RBFOX1: variants seen among roughly 807,000 people sequenced by gnomAD.
RBFOX1 encodes RNA binding fox-1 homolog 1.
In RBFOX1, 8 loss-of-function variants were observed where a neutral mutation model predicts 57.7. That is an observed-to-expected ratio of 0.14 (90% CI 0.08 to 0.25). The LOEUF (loss-of-function observed/expected upper bound fraction) is 0.25, where lower values mean the gene tolerates loss of function less well. RBFOX1 is among the 10% of genes least tolerant of loss of function. The pLI is 1.00. For missense variants in RBFOX1, 611 were observed against 548.5 expected (o/e 1.11, Z -1.14); for synonymous variants, 326 against 222.4 (o/e 1.47, Z -4.15).
At chr16:7,152,785 C>G (rs1023739920) in intron 4 of RBFOX1, among the ~76,000 whole-genome samples, 4 of 152,226 alleles carry the variant, frequency 2.6e-5, no homozygotes, top group African/African-American at 9.6e-5. Context: ...TATTTTATGT[C>G]TAAGCATGGT....
At chr16:7,705,048 G>GAA (rs36086189) in intron 14 of RBFOX1, among the ~76,000 whole-genome samples, 1 of 129,836 alleles carries the variant, frequency 7.7e-6, no homozygotes, top group Admixed American at 7.9e-5. Context: ...TGTCTCAAAA[G>GAA]AAAAAAAAAA....
intron 1 of RBFOX1, among the ~76,000 whole-genome samples, chr16:5,371,096 C>T (rs190496702): frequency 1.6e-4 from 24 of 152,234 alleles, no homozygotes; most frequent in African/African-American, 5.1e-4. Context: ...TACAGGTGTG[C>T]GCCATCACGC....
At chr16:7,567,816 T>C (rs995217128) in intron 5 of RBFOX1, among the ~76,000 whole-genome samples, 2 of 148,388 alleles carry the variant, frequency 1.3e-5, no homozygotes, top group Non-Finnish European at 3.0e-5. Context: ...TCCCCATATA[T>C]ATACCTATAT....
Position 6,315,036 on chromosome 16 carries a change from C to T in RBFOX1, c.-126-1959C>T, listed in dbSNP as rs565507465. On this transcript the variant is annotated intron_variant, in intron 1 of 15. Coordinates refer to ENST00000550418, the MANE Select transcript of RBFOX1 (RefSeq NM_018723.4). ...TAGGCACCAAGGGGACAGTTCCTGA[C>T]ATTTAGAAGGCTTAATAAACAATAA... 5.4e-4 allele frequency among the ~76,000 whole-genome samples: 82 copies of T among 152,340 alleles called. 1 individual carries two copies. The highest frequency in any genetic ancestry group is 1.8e-3 in the African/African-American group (74 of 41,574).
chr16:5,818,494 G>C (rs543019946), intron 3 of RBFOX1, among the ~76,000 whole-genome samples: 3 of 152,290 alleles, frequency 2.0e-5, no homozygotes, highest in South Asian at 4.1e-4. Flanking sequence ...CCATGTGCCA[G>C]ATACTGTGCT....
At chr16:7,427,073 T>A (rs2098626152) in intron 4 of RBFOX1, among the ~76,000 whole-genome samples, 1 of 152,092 alleles carries the variant, frequency 6.6e-6, no homozygotes, top group African/African-American at 2.4e-5. Context: ...ATGAGAACAC[T>A]TGGACACAAG....
At chr16:6,856,916 A>C (rs1266753698) in intron 3 of RBFOX1, among the ~76,000 whole-genome samples, 1 of 152,152 alleles carries the variant, frequency 6.6e-6, no homozygotes, top group Non-Finnish European at 1.5e-5. Context: ...AAAGAAAGAA[A>C]GAGAAAGAGA....
At chr16:6,817,620 C>A (rs926244845) in intron 3 of RBFOX1, among the ~76,000 whole-genome samples, 11 of 150,904 alleles carry the variant, frequency 7.3e-5, no homozygotes, top group African/African-American at 2.4e-5. Context: ...GCAAGAGAAT[C>A]ACTTGAACCC....
At chr16:6,000,442 C>A (rs567846866) in intron 4 of RBFOX1, among the ~76,000 whole-genome samples, 1 of 152,156 alleles carries the variant, frequency 6.6e-6, no homozygotes, top group South Asian at 2.1e-4. Context: ...AGGAAAGGGG[C>A]AGGTGGTGCT....
chr16:7,165,477 T>C (rs572851657), intron 4 of RBFOX1, among the ~76,000 whole-genome samples: 1 of 151,676 alleles, frequency 6.6e-6, no homozygotes, highest in Non-Finnish European at 1.5e-5. Context: ...TTCCCCAGGC[T>C]GGAGTGCAAT....
intron 3 of RBFOX1, among the ~76,000 whole-genome samples, chr16:6,718,573 C>T (rs779768768): frequency 6.6e-6 from 1 of 152,150 alleles, no homozygotes; most frequent in South Asian, 2.1e-4. Context: ...GATTTGTGTC[C>T]CCGCCCAAAT....
At chr16:5,444,102 T>TACGTATTCAAATTAC (rs1470556426) in intron 1 of RBFOX1, among the ~76,000 whole-genome samples, 4 of 55,320 alleles carry the variant, frequency 7.2e-5, no homozygotes, top group African/African-American at 4.5e-4. Flanking sequence ...AAGGTGACAC[T>TACGTATTCAAATTAC]GAGGCATTTG....
At chr16:6,866,840 C>CT (rs2060021610) in intron 3 of RBFOX1, among the ~76,000 whole-genome samples, 1 of 151,980 alleles carries the variant, frequency 6.6e-6, no homozygotes, top group Non-Finnish European at 1.5e-5. Flanking sequence ...CCGCGCCCAG[C>CT]TAAAGGTTAG....
intron 1 of RBFOX1, among the ~76,000 whole-genome samples, chr16:6,302,463 C>G (rs2078927058): frequency 6.6e-6 from 1 of 152,112 alleles, no homozygotes; most frequent in Admixed American, 6.5e-5. Flanking sequence ...TTTAAAAAGT[C>G]AGATATCCCC....
chr16:5,687,983 G>A (rs957252929), intron 3 of RBFOX1, among the ~76,000 whole-genome samples: 4 of 152,126 alleles, frequency 2.6e-5, no homozygotes, highest in Admixed American at 1.3e-4. Context: ...TTTTCTTCTC[G>A]TTCTCTGCAA....
At chr16:7,120,351 A>C (rs2066842838) in intron 4 of RBFOX1, among the ~76,000 whole-genome samples, 1 of 152,022 alleles carries the variant, frequency 6.6e-6, no homozygotes, top group Non-Finnish European at 1.5e-5. Flanking sequence ...GATTAAAAAA[A>C]TGAATTTGAA....
intron 3 of RBFOX1, among the ~76,000 whole-genome samples, chr16:6,674,991 T>A (rs66477608): frequency 0.14 from 22,036 of 152,096 alleles, 1,755 homozygotes; most frequent in Middle Eastern, 0.19. Context: ...CTGCAACCTC[T>A]GCCTCCCAGG....
chr16:5,688,499 AC>A (rs2050571400), intron 3 of RBFOX1, among the ~76,000 whole-genome samples: 1 of 152,132 alleles, frequency 6.6e-6, no homozygotes, highest in South Asian at 2.1e-4. Context: ...TTGTAAGAAT[AC>A]AGAGAGGTGG....
intron 2 of RBFOX1, among the ~76,000 whole-genome samples, chr16:6,496,144 G>A (rs1046398601): frequency 3.3e-5 from 5 of 151,688 alleles, no homozygotes; most frequent in Admixed American, 2.0e-4. Flanking sequence ...AATTTGGAAA[G>A]GCATGGCTTA....
Sources: gnomAD v4.1 joint callset for allele counts (sites outside exome capture counted in the v4.1 genomes callset) on GRCh38, gnomAD v4.1.1 for gene constraint, MANE v1.5 for transcripts, NCBI Gene and HGNC (gene_info 2026-07-23, HGNC 2026-07-21) for gene names.